Variants in TGFB2 observed in about 807,000 individuals in gnomAD.
TGFB2 encodes transforming growth factor beta-2 proprotein.
A neutral mutation model predicts 42.7 loss-of-function variants in TGFB2; 13 were observed. The ratio of observed to expected loss-of-function variants is 0.30; its 90% confidence interval spans 0.20 to 0.48. The LOEUF is 0.48. TGFB2 is among the 20% of genes least tolerant of loss of function. TGFB2 has a pLI of 0.99. For synonymous variants in TGFB2, 193 were observed against 193.6 expected (o/e 1.00, Z 0.03); for missense variants, 390 against 517.5 (o/e 0.75, Z 2.39).
intron 1 of TGFB2, among the ~76,000 whole-genome samples, chr1:218,387,088 C>T (rs1658161844): frequency 6.6e-6 from 1 of 152,148 alleles, no homozygotes; most frequent in Non-Finnish European, 1.5e-5. Context: ...TGACACTAGG[C>T]TGGACCTTCA....
intron 1 of TGFB2, among the ~76,000 whole-genome samples, chr1:218,352,715 T>C (rs1238737763): frequency 6.6e-6 from 1 of 152,192 alleles, no homozygotes; most frequent in Non-Finnish European, 1.5e-5. Flanking sequence ...TTGGTGGTCT[T>C]GACTCTGAAT....
intron 1 of TGFB2, among the ~76,000 whole-genome samples, chr1:218,374,594 G>A (rs997583311): frequency 6.6e-5 from 10 of 152,246 alleles, no homozygotes; most frequent in South Asian, 6.2e-4. Flanking sequence ...ACAAGCTTCC[G>A]TTTATATCTC....
chr1:218,404,626 A>AACTT (rs1408083420), intron 1 of TGFB2, among the ~76,000 whole-genome samples: 5 of 152,206 alleles, frequency 3.3e-5, no homozygotes, highest in African/African-American at 1.2e-4. Flanking sequence ...TCCTCATCAT[A>AACTT]ACTTGACTAG....
intron 1 of TGFB2, among the ~76,000 whole-genome samples, chr1:218,393,261 C>G (rs1558242196): frequency 6.6e-6 from 1 of 152,094 alleles, no homozygotes; most frequent in Admixed American, 6.6e-5. Context: ...CAAGAATGTC[C>G]AATGCTGAGC....
In TGFB2 at chr1:218,423,137, C is replaced by T. The variant is rs1281191712; in HGVS notation, c.511-10945C>T. Reference sequence around the variant, plus strand: ...GCTCACAAGAGTGTGTTCTCTGTGCCTGTCTGCCTGAGAGAAAATCTTGGT... The same window carrying T: ...GCTCACAAGAGTGTGTTCTCTGTGCTTGTCTGCCTGAGAGAAAATCTTGGT... On this transcript the variant is annotated intron_variant, in intron 2 of 6. Coordinates refer to ENST00000366930, the MANE Select transcript of TGFB2 (RefSeq NM_003238.6). Among the ~76,000 whole-genome samples, 3 of 152,136 alleles carry T rather than the reference C, an allele frequency of 2.0e-5. No homozygotes were observed. The East Asian group carries it at 5.8e-4, about 29-fold the overall frequency.
At chr1:218,394,026 C>T (rs1658407422) in intron 1 of TGFB2, among the ~76,000 whole-genome samples, 1 of 152,062 alleles carries the variant, frequency 6.6e-6, no homozygotes, top group South Asian at 2.1e-4. Flanking sequence ...CCTGCCTCAG[C>T]CTCCCGAGTA....
chr1:218,386,568 G>A (rs1658144905), intron 1 of TGFB2, among the ~76,000 whole-genome samples: 2 of 152,164 alleles, frequency 1.3e-5, no homozygotes, highest in African/African-American at 2.4e-5. Context: ...GCTCAAGCCT[G>A]CCCACAGGTT....
intron 2 of TGFB2, among the ~76,000 whole-genome samples, chr1:218,414,928 A>G (rs995657616): frequency 6.6e-6 from 1 of 152,144 alleles, no homozygotes; most frequent in Non-Finnish European, 1.5e-5. Flanking sequence ...CCAGGATTTG[A>G]ACCCAGGCGG....
intron 2 of TGFB2, among the ~76,000 whole-genome samples, chr1:218,412,872 A>T (rs2796823): frequency 0.28 from 42,726 of 152,122 alleles, 6,020 homozygotes; most frequent in African/African-American, 0.33. Flanking sequence ...TCATACAAAA[A>T]TAACTCCCTG....
chr1:218,437,397 T>C lies in TGFB2; in HGVS notation c.987T>C (p.Asp329=). ...CACTTTACATTGATTTCAAGAGGGA[T>C]CTAGGGTGGAAATGGATACACGAAC... ...LRPLYIDFKR[D]LGWKWIHEPK... is the part of the protein sequence containing the mutation. Residue 329 remains aspartate (D), a synonymous_variant, in exon 6 of 7, where the codon GAT becomes GAC. Transcript: ENST00000366930. 1 of 1,612,972 alleles carries C rather than the reference T, an allele frequency of 6.2e-7. No individual in the cohort carries two copies. Among genetic ancestry groups the C allele is most frequent in the Non-Finnish European group, 8.5e-7 (1 of 1,179,722 alleles).
At chr1:218,408,496 C>G (rs1339281263) in intron 2 of TGFB2, among the ~76,000 whole-genome samples, 1 of 152,138 alleles carries the variant, frequency 6.6e-6, no homozygotes, top group Non-Finnish European at 1.5e-5. Flanking sequence ...GAAGAAGATT[C>G]TAGCAGAAAA....
rs760864582 is a variant in TGFB2 at position 218,405,585 on chromosome 1, T to C, written c.510+253T>C. The C allele has an allele frequency of 1.2e-4, 60 of 514,594 alleles. 1 individual carries two copies. The highest frequency in any genetic ancestry group is 1.2e-3 in the South Asian group (58 of 49,782). The allele number at this position is 514,594 out of a possible 1,614,324, so 31.9% of individuals were successfully genotyped here. A position where few individuals can be genotyped will look rare whatever the true frequency, so the allele number is the denominator to read the frequency against. ...GGTCTCACCGTGTTGCCCTGGCTGA[T>C]CTGGAACTCCTGGCCTTAAGCAATC... On this transcript the variant is annotated intron_variant, in intron 2 of 6. Transcript: ENST00000366930.
At chr1:218,408,734 G>C (rs964451306) in intron 2 of TGFB2, among the ~76,000 whole-genome samples, 5 of 152,134 alleles carry the variant, frequency 3.3e-5, no homozygotes, top group African/African-American at 1.2e-4. Flanking sequence ...ATTAAAAGAG[G>C]AGGGCTAGAG....
intron 1 of TGFB2, among the ~76,000 whole-genome samples, chr1:218,357,218 T>C (rs1010990051): frequency 3.3e-5 from 3 of 91,280 alleles, no homozygotes; most frequent in Non-Finnish European, 6.9e-5. Flanking sequence ...ATCTGAAAAA[T>C]GAAAAAAAAA....
intron 1 of TGFB2, among the ~76,000 whole-genome samples, chr1:218,395,418 G>A (rs1030093119): frequency 6.6e-6 from 1 of 152,090 alleles, no homozygotes; most frequent in Admixed American, 6.6e-5. Context: ...TTTGTATTTT[G>A]TTGCCACCAC....
intron 1 of TGFB2, chr1:218,363,434 GC>G (rs748677969): frequency 6.2e-7 from 1 of 1,607,506 alleles, no homozygotes; most frequent in South Asian, 1.1e-5. Context: ...ACACTTGTCT[GC>G]TTTATTCCTC....
chr1:218,355,680 T>A (rs565914353), intron 1 of TGFB2, among the ~76,000 whole-genome samples: 1 of 152,306 alleles, frequency 6.6e-6, no homozygotes, highest in African/African-American at 2.4e-5. Context: ...TAAAGGATGA[T>A]GTGTGTGAAA....
At position 218,394,067 on chromosome 1, in the gene TGFB2, T is replaced by C. The variant is rs1199511776; in HGVS notation, c.347-11102T>C. ...GATTACAGGTGCCCACCACCATGCC[T>C]GGCTAATTTTTTTTTGTATTTTTAG... On this transcript the variant is annotated intron_variant, in intron 1 of 6. Coordinates refer to ENST00000366930, the MANE Select transcript of TGFB2 (RefSeq NM_003238.6). Among the ~76,000 whole-genome samples, 3 of 152,204 alleles carry C rather than the reference T, an allele frequency of 2.0e-5. No homozygotes were observed. The South Asian group carries it at 6.2e-4, about 32-fold the overall frequency.
rs76245224 is a variant in TGFB2 at position 218,425,042 on chromosome 1, A to G, written c.511-9040A>G. On this transcript the variant is annotated intron_variant, in intron 2 of 6. Transcript: ENST00000366930. ...CCACCTCTTGTGACTAGAGCCTGAC[A>G]TGGAAAAGAAAGAATTTTACATCTT... Among the ~76,000 whole-genome samples the G allele has an allele frequency of 3.5e-4, 54 of 152,324 alleles. No homozygotes were observed. The East Asian group carries it at 0.01, about 29-fold the overall frequency.
Sources: gnomAD v4.1 joint callset for allele counts (sites outside exome capture counted in the v4.1 genomes callset) on GRCh38, gnomAD v4.1.1 for gene constraint, MANE v1.5 for transcripts, NCBI Gene and HGNC (gene_info 2026-07-23, HGNC 2026-07-21) for gene names.